Variants in TBC1D12 observed in about 807,000 individuals in gnomAD.
TBC1D12 encodes TBC1 domain family, member 12.
TBC1D12 carries 56 observed loss-of-function variants against 86.7 expected under a neutral mutation model. That is an observed-to-expected ratio of 0.65 (90% confidence interval 0.52 to 0.81). The LOEUF (loss-of-function observed/expected upper bound fraction) is 0.81, where lower values mean the gene tolerates loss of function less well. TBC1D12 is among the 30% of genes least tolerant of loss of function. TBC1D12 has a pLI of 0.00. For missense variants in TBC1D12, 1,023 were observed against 1,038.8 expected, an observed-to-expected ratio of 0.98 and a Z score of 0.21; for synonymous variants, 421 against 411.7, an observed-to-expected ratio of 1.02 and a Z score of -0.27.
intron 2 of TBC1D12, among the ~76,000 whole-genome samples, chr10:94,450,832 A>AT (rs975565980): frequency 1.9e-4 from 29 of 152,154 alleles, no homozygotes; most frequent in African/African-American, 7.0e-4. Flanking sequence ...CTATTCAGCC[A>AT]TAAAAAAGAA....
At chr10:94,489,792 G>A (rs2056221788) in intron 3 of TBC1D12, among the ~76,000 whole-genome samples, 1 of 152,184 alleles carries the variant, frequency 6.6e-6, no homozygotes. Flanking sequence ...GGAATGGTCA[G>A]TCTGTGGAGC....
intron 1 of TBC1D12, among the ~76,000 whole-genome samples, chr10:94,439,276 A>G (rs1270193665): frequency 6.6e-6 from 1 of 152,162 alleles, no homozygotes; most frequent in African/African-American, 2.4e-5. Context: ...GTCATATCCA[A>G]TAATTATTTT....
chr10:94,402,875 TG>T lies in TBC1D12; in HGVS notation c.263del (p.Cys88PhefsTer46). On this transcript the variant is annotated frameshift_variant, in exon 1 of 13. Transcript: ENST00000225235. LOFTEE classifies it high-confidence loss of function. ...GCAGCTGGAGCCGGGGCTCTGCTAC[TG>T]TCCGCTCCCCGCTGGCCAGGCCGGC... ...GEQLEPGLCY[C>X]PLPAGQAGAP... 1 of 1,512,670 alleles carries T rather than the reference TG, an allele frequency of 6.6e-7. No homozygotes were observed. Among genetic ancestry groups the T allele is most frequent in the Non-Finnish European group, 8.8e-7 (1 of 1,134,398 alleles). The allele number at this position is 1,512,670 out of a possible 1,614,324, so 93.7% of individuals were successfully genotyped here.
intron 3 of TBC1D12, among the ~76,000 whole-genome samples, 193 bp downstream of exon 3, chr10:94,474,976 C>T (rs2055966871): frequency 6.6e-6 from 1 of 151,996 alleles, no homozygotes; most frequent in African/African-American, 2.4e-5. Flanking sequence ...TGTTTAGAGA[C>T]AGGGTCTTGC....
At chr10:94,493,781 A>G (rs895658312) in intron 4 of TBC1D12, among the ~76,000 whole-genome samples, 2 of 151,880 alleles carry the variant, frequency 1.3e-5, no homozygotes, top group Non-Finnish European at 2.9e-5. Context: ...ATTTTTCTCT[A>G]CTATTTTTAT....
chr10:94,531,699 G>A (rs377622315), intron 12 of TBC1D12, among the ~76,000 whole-genome samples: 1 of 109,556 alleles, frequency 9.1e-6, no homozygotes, highest in African/African-American at 3.1e-5. Context: ...GTTATTTTAT[G>A]TTATGTTATT....
At chr10:94,480,953 A>G (rs978238274) in intron 3 of TBC1D12, among the ~76,000 whole-genome samples, 1 of 151,794 alleles carries the variant, frequency 6.6e-6, no homozygotes, top group East Asian at 1.9e-4. Context: ...GATGGCAGGC[A>G]TGAAAACAAC....
At chr10:94,492,576 A>G (rs1430045588) in intron 3 of TBC1D12, among the ~76,000 whole-genome samples, 1 of 152,238 alleles carries the variant, frequency 6.6e-6, no homozygotes, top group Non-Finnish European at 1.5e-5. Context: ...TAAAAGGAAT[A>G]CATTACTAAT....
At position 94,497,071 on chromosome 10, in the gene TBC1D12, TAAAAG is replaced by T. The variant is rs2056329859; in HGVS notation, c.1316_1320del (p.Arg439LysfsTer8). The stretch of plus-strand genomic sequence containing the variant: ...TTAAAACAGAAATTAAGGAAGCACA[TAAAAG>T]AAAAAGAATCATGAAAGAACGATTT... On this transcript the variant is annotated frameshift_variant, in exon 5 of 13. Coordinates refer to ENST00000225235, the MANE Select transcript of TBC1D12 (RefSeq NM_015188.2). LOFTEE classifies it high-confidence loss of function. 4 of 1,564,698 alleles carry T rather than the reference TAAAAG, an allele frequency of 2.6e-6. No homozygotes were observed. Among genetic ancestry groups the T allele is most frequent in the East Asian group, 2.4e-5 (1 of 41,420 alleles).
In TBC1D12 at chr10:94,503,059, G is replaced by GCTTT. The variant is rs2056419170; in HGVS notation, c.1519+2740_1519+2743dup. 2.0e-5 allele frequency among the ~76,000 whole-genome samples: 3 copies of GCTTT among 151,920 alleles called. No homozygotes were observed. The South Asian group carries it at 6.3e-4, about 32-fold the overall frequency. On this transcript the variant is annotated intron_variant, in intron 6 of 12. Transcript: ENST00000225235. ...ATTTATGCCATAAGGTTATTCTGTG[G>GCTTT]CTTTCTTTCTTCACACTATAATCTA...
At chr10:94,523,665 C>G (rs1222999714) in intron 11 of TBC1D12, among the ~76,000 whole-genome samples, 1 of 151,904 alleles carries the variant, frequency 6.6e-6, no homozygotes, top group African/African-American at 2.4e-5. Flanking sequence ...TAGATTTTCT[C>G]TAGCTTAAAA....
chr10:94,442,085 T>TTC (rs2055391880), intron 2 of TBC1D12, 66 bp downstream of exon 2: 4 of 517,442 alleles, frequency 7.7e-6, no homozygotes, highest in Admixed American at 1.2e-4. Context: ...TCTTCTTCTT[T>TTC]TTTTTTTTTT....
In TBC1D12 at chr10:94,441,983, A is replaced by C. The variant is rs2055388887; in HGVS notation, c.1059A>C (p.Arg353Ser). 6.2e-7 allele frequency: 1 copy of C among 1,613,114 alleles called. No homozygotes were observed. The highest frequency in any genetic ancestry group is 8.5e-7 in the Non-Finnish European group (1 of 1,179,648). Residue 353 changes from arginine (R) to serine (S), a missense_variant, in exon 2 of 13, where the codon AGA (arginine) becomes AGC (serine). By Grantham distance (110) the Arg-to-Ser change is moderately radical. Coordinates refer to ENST00000225235, the MANE Select transcript of TBC1D12 (RefSeq NM_015188.2). Reference sequence around the variant, plus strand: ...AATTATTTGGTAAAGTCCCTCCTAGAGAGAATCTTCAGAAAACATCCAAAA... The same window carrying C: ...AATTATTTGGTAAAGTCCCTCCTAGCGAGAATCTTCAGAAAACATCCAAAA... ...GWKLFGKVPPRENLQKTSKII... is the reference protein window; with the variant it reads ...GWKLFGKVPPSENLQKTSKII...
intron 1 of TBC1D12, among the ~76,000 whole-genome samples, chr10:94,431,033 T>G (rs1018656230): frequency 6.6e-6 from 1 of 151,748 alleles, no homozygotes; most frequent in African/African-American, 2.4e-5. Context: ...TTGATTGGGG[T>G]GGAGGATGAA....
At position 94,483,732 on chromosome 10, in the gene TBC1D12, GT is replaced by G. The variant is rs541439325; in HGVS notation, c.1211+8958del. ...CATTCTGTTTATTGGTTTTGTTTTT[GT>G]TTTTTTTTGTTTGTTTGTTTGTCTT... On this transcript the variant is annotated intron_variant, in intron 3 of 12. Coordinates refer to ENST00000225235, the MANE Select transcript of TBC1D12 (RefSeq NM_015188.2). 7.9e-3 allele frequency among the ~76,000 whole-genome samples: 1,189 copies of G among 150,034 alleles called. 16 individuals carry two copies. Among genetic ancestry groups the G allele is most frequent in the African/African-American group, 0.028 (1,127 of 40,970 alleles).
intron 2 of TBC1D12, among the ~76,000 whole-genome samples, chr10:94,463,399 G>C (rs189291708): frequency 6.6e-6 from 1 of 152,152 alleles, no homozygotes; most frequent in Non-Finnish European, 1.5e-5. Flanking sequence ...AATGCAGGGC[G>C]TCATGTGGCA....
chr10:94,421,799 ATGT>A (rs1402195758), intron 1 of TBC1D12, among the ~76,000 whole-genome samples: 1 of 152,164 alleles, frequency 6.6e-6, no homozygotes, highest in Non-Finnish European at 1.5e-5. Flanking sequence ...GCATTTATTC[ATGT>A]TGTTGTTGCC....
chr10:94,531,764 T>TTTATTTTATG (rs58821861), intron 12 of TBC1D12, among the ~76,000 whole-genome samples: 1,572 of 116,668 alleles, frequency 0.013, 78 homozygotes, highest in African/African-American at 0.048. Context: ...TTTATTTTAT[T>TTTATTTTATG]TTATTTTATG....
chr10:94,444,340 C>G (rs2134093984), intron 2 of TBC1D12, among the ~76,000 whole-genome samples: 1 of 151,348 alleles, frequency 6.6e-6, no homozygotes, highest in African/African-American at 2.4e-5. Context: ...TTAAGAGTTA[C>G]TGTGAAAAAA....
Sources: gnomAD v4.1 joint callset for allele counts (sites outside exome capture counted in the v4.1 genomes callset) on GRCh38, gnomAD v4.1.1 for gene constraint, MANE v1.5 for transcripts, NCBI Gene and HGNC (gene_info 2026-07-23, HGNC 2026-07-21) for gene names.